Variants in ROCK1 observed in about 807,000 individuals in gnomAD.
ROCK1 encodes rho-associated protein kinase 1.
ROCK1 carries 36 observed loss-of-function variants against 196.8 expected under a neutral mutation model. The observed-to-expected ratio is 0.18, with a 90% CI of 0.14 to 0.24. The LOEUF (loss-of-function observed/expected upper bound fraction) is 0.24, where lower values mean the gene tolerates loss of function less well. ROCK1 is among the 10% of genes least tolerant of loss of function. ROCK1 has a pLI of 1.00. For synonymous variants in ROCK1, 443 were observed against 515.9 expected (o/e 0.86, Z 1.91); for missense variants, 920 against 1,562.0 (o/e 0.59, Z 6.93).
chr18:21,090,946 AG>A (rs1333405749), intron 1 of ROCK1, among the ~76,000 whole-genome samples: 1 of 152,242 alleles, frequency 6.6e-6, no homozygotes, highest in Non-Finnish European at 1.5e-5. Context: ...TCATAGGAAC[AG>A]TAAATTTTTA....
In ROCK1 at chr18:21,070,562, T is replaced by C; in HGVS notation, c.145A>G (p.Asn49Asp). 6.2e-7 allele frequency: 1 copy of C among 1,604,588 alleles called. No homozygotes were observed. Among genetic ancestry groups the C allele is most frequent in the Non-Finnish European group, 8.5e-7 (1 of 1,174,234 alleles). ...CTTAAAAAGTTGTCAATATTTTTGTTTTTTCTTAAGGCAGGAAAATCCAAA... is the reference window on the plus strand; with the variant it reads ...CTTAAAAAGTTGTCAATATTTTTGTCTTTTCTTAAGGCAGGAAAATCCAAA... ...YDLDFPALRK[N>D]KNIDNFLSRY... Residue 49 changes from asparagine to aspartate, a missense_variant, in exon 2 of 33, where the codon AAC becomes GAC. Physicochemically the swap from Asn to Asp is conservative, Grantham distance 23. This residue lies in a region of ROCK1 where 234 missense variants were observed against 460.7 expected (regional missense o/e 0.51). Transcript: ENST00000399799.
chr18:20,969,228 G>A lies in ROCK1; in HGVS notation c.2821-20C>T. 1 of 1,477,084 alleles carries A rather than the reference G, an allele frequency of 6.8e-7. No individual in the cohort carries two copies. Among genetic ancestry groups the A allele is most frequent in the Non-Finnish European group, 9.4e-7 (1 of 1,068,268 alleles). The allele number at this position is 1,477,084 out of a possible 1,614,324, so 91.5% of individuals were successfully genotyped here. On this transcript the variant is annotated intron_variant, in intron 23 of 32. Transcript: ENST00000399799. The stretch of plus-strand genomic sequence containing the variant: ...TTCAAGCTAAACAAAGCACACAAAA[G>A]TTTAAGCTCCAGCCTCTTTGCTATT...
intron 1 of ROCK1, among the ~76,000 whole-genome samples, chr18:21,101,436 A>AT (rs1294518952): frequency 3.3e-5 from 5 of 152,224 alleles, no homozygotes; most frequent in African/African-American, 9.6e-5. Context: ...AATACAATCT[A>AT]TTGAGTACCC....
chr18:21,027,623 G>A (rs140574057), intron 10 of ROCK1, among the ~76,000 whole-genome samples: 7 of 151,980 alleles, frequency 4.6e-5, no homozygotes, highest in African/African-American at 1.7e-4. Flanking sequence ...CAGTATTATT[G>A]TTATTATCAT....
At chr18:20,959,048 A>G (rs866584130) in intron 29 of ROCK1, among the ~76,000 whole-genome samples, 1 of 48,884 alleles carries the variant, frequency 2.0e-5, no homozygotes, top group African/African-American at 1.5e-4. Context: ...ATAATATATA[A>G]TATATATATT....
At chr18:21,004,997 C>T (rs1420748052) in intron 16 of ROCK1, among the ~76,000 whole-genome samples, 1 of 152,148 alleles carries the variant, frequency 6.6e-6, no homozygotes, top group Non-Finnish European at 1.5e-5. Context: ...CATCAAGCCC[C>T]AAGGGACCTG....
intron 8 of ROCK1, 79 bp from the exon 9 acceptor site, chr18:21,039,642 G>A (rs2036087981): frequency 1.0e-6 from 1 of 990,494 alleles, no homozygotes. Flanking sequence ...TTGTGGGCAG[G>A]ATATTAAATC....
chr18:21,070,780 T>C (rs761054076), intron 1 of ROCK1, among the ~76,000 whole-genome samples, 167 bp from the exon 2 acceptor site: 2 of 152,234 alleles, frequency 1.3e-5, no homozygotes, highest in Non-Finnish European at 2.9e-5. Context: ...AAAGTGGTTT[T>C]CATTTCATAT....
At chr18:21,096,628 C>A (rs1190344316) in intron 1 of ROCK1, among the ~76,000 whole-genome samples, 4 of 152,128 alleles carry the variant, frequency 2.6e-5, no homozygotes, top group Non-Finnish European at 5.9e-5. Context: ...AATTAATGAG[C>A]ATTATTGAAC....
Position 21,084,187 on chromosome 18 carries a change from T to C in ROCK1, c.94-13574A>G, listed in dbSNP as rs561416800. Among the ~76,000 whole-genome samples the C allele has an allele frequency of 3.3e-5, 5 of 150,848 alleles. No homozygotes were observed. The South Asian group carries it at 6.3e-4, about 19-fold the overall frequency. ...ACTATAAAATGCTTAGAAGAAAACA[T>C]AGGGGGAAGCTTCAGGACATTGAAT... On this transcript the variant is annotated intron_variant, in intron 1 of 32. Transcript: ENST00000399799.
At position 20,959,176 on chromosome 18, in the gene ROCK1, TATA is replaced by T. The variant is rs1378316947; in HGVS notation, c.3512+661_3512+663del. Among the ~76,000 whole-genome samples the T allele has an allele frequency of 2.3e-4, 19 of 82,754 alleles. No individual in the cohort carries two copies. The East Asian group carries it at 2.8e-3, about 12-fold the overall frequency. The allele number at this position is 82,754 out of a possible 152,430, so 54.3% of individuals were successfully genotyped here. Reference sequence around the variant, plus strand: ...TATATATTATATATTATATAATATATATAATATTATATATAATATATATAATAC... The same window carrying T: ...TATATATTATATATTATATAATATATATATTATATATAATATATATAATAC... On this transcript the variant is annotated intron_variant, in intron 29 of 32. Coordinates refer to ENST00000399799, the MANE Select transcript of ROCK1 (RefSeq NM_005406.3).
At chr18:20,965,290 T>C (rs779506845) in intron 27 of ROCK1, among the ~76,000 whole-genome samples, 2 of 151,738 alleles carry the variant, frequency 1.3e-5, no homozygotes, top group African/African-American at 2.4e-5. Context: ...ACTCAGGAGG[T>C]TGGGGCAGGA....
chr18:21,098,390 T>C (rs2036629249), intron 1 of ROCK1, among the ~76,000 whole-genome samples: 2 of 152,058 alleles, frequency 1.3e-5, no homozygotes, highest in Non-Finnish European at 2.9e-5. Context: ...AAAGATAAAA[T>C]TGGATGTATC....
At position 21,045,899 on chromosome 18, in the gene ROCK1, G is replaced by GTTTCTTTTTTTTTTTTTTTTTTTTTTTT. The variant is rs746861081; in HGVS notation, c.415-433_415-432insAAAAAAAAAAAAAAAAAAAAAAAAGAAA. Among the ~76,000 whole-genome samples the GTTTCTTTTTTTTTTTTTTTTTTTTTTTT allele has an allele frequency of 3.2e-5, 2 of 62,470 alleles. 1 individual carries two copies. The highest frequency in any genetic ancestry group is 1.4e-4 in the African/African-American group (2 of 14,354). The allele number at this position is 62,470 out of a possible 152,430, so 41.0% of individuals were successfully genotyped here. On this transcript the variant is annotated intron_variant, in intron 4 of 32. Transcript: ENST00000399799. The stretch of plus-strand genomic sequence containing the variant: ...ATAAATTTGGCTTACAGTTTCAGCT[G>GTTTCTTTTTTTTTTTTTTTTTTTTTTTT]TTTTTTTTTTTTTTTTTTTTTTTTT...
At chr18:20,992,694 CCAAT>C (rs1277756719) in intron 17 of ROCK1, 133 bp downstream of exon 17, 6 of 571,662 alleles carry the variant, frequency 1.0e-5, no homozygotes, top group Middle Eastern at 4.5e-4. Flanking sequence ...CCACATACAA[CCAAT>C]CAAACATAAA....
At chr18:21,016,244 A>C (rs572159971) in intron 12 of ROCK1, among the ~76,000 whole-genome samples, 2 of 152,192 alleles carry the variant, frequency 1.3e-5, no homozygotes, top group Non-Finnish European at 2.9e-5. Flanking sequence ...GAATTGAAAC[A>C]AGTGCTAAAA....
intron 27 of ROCK1, among the ~76,000 whole-genome samples, chr18:20,961,821 T>TTA (rs1455054811): frequency 6.9e-6 from 1 of 145,468 alleles, no homozygotes; most frequent in Admixed American, 6.8e-5. Context: ...CTTTTTCCTT[T>TTA]TTTTTTTTTT....
At chr18:21,027,000 G>A (rs1212189223) in intron 10 of ROCK1, among the ~76,000 whole-genome samples, 3 of 149,622 alleles carry the variant, frequency 2.0e-5, no homozygotes, top group Non-Finnish European at 3.0e-5. Flanking sequence ...GTGCAGTGGC[G>A]TGATCTAGGC....
rs761304102 is a variant in ROCK1, at chr18:20,959,794, A to T, written c.3512+46T>A. 7 of 983,346 alleles carry T rather than the reference A, an allele frequency of 7.1e-6. No individual in the cohort carries two copies. The South Asian group carries it at 8.9e-5, about 12-fold the overall frequency. The allele number at this position is 983,346 out of a possible 1,614,324, so 60.9% of individuals were successfully genotyped here. On this transcript the variant is annotated intron_variant, in intron 29 of 32. Coordinates refer to ENST00000399799, the MANE Select transcript of ROCK1 (RefSeq NM_005406.3). ...ATTTTAAGTCTAAAAATAATTATCA[A>T]AAGTTAGCTCTCAACCCCTTTAAAA... is the stretch of plus-strand genomic sequence containing the variant.
Sources: allele counts gnomAD v4.1 joint callset (sites outside exome capture counted in the v4.1 genomes callset), GRCh38; gene constraint gnomAD v4.1.1; regional missense constraint gnomAD v4.1.1; transcripts MANE v1.5; gene names NCBI Gene and HGNC (gene_info 2026-07-23, HGNC 2026-07-21).